NTM: variants seen among roughly 807,000 people sequenced by gnomAD.
NTM encodes IgLON family member 2.
NTM carries 13 observed loss-of-function variants against 42.1 expected under a neutral mutation model. The observed-to-expected ratio is 0.31, with a 90% CI of 0.20 to 0.49. The LOEUF is 0.49. NTM is among the 20% of genes least tolerant of loss of function. The pLI is 0.99. For synonymous variants in NTM, 187 were observed against 179.2 expected, an observed-to-expected ratio of 1.04 and a Z score of -0.35; for missense variants, 373 against 452.8, an observed-to-expected ratio of 0.82 and a Z score of 1.60.
chr11:131,425,732 A>G (rs1047815031), intron 1 of NTM, among the ~76,000 whole-genome samples: 1 of 152,202 alleles, frequency 6.6e-6, no homozygotes, highest in African/African-American at 2.4e-5. Flanking sequence ...GCTGATCAGT[A>G]TCTATAGGAA....
intron 1 of NTM, among the ~76,000 whole-genome samples, chr11:131,711,874 C>T (rs1239925645): frequency 1.7e-4 from 26 of 149,834 alleles, no homozygotes; most frequent in Admixed American, 3.3e-4. Context: ...AGTAAACTAT[C>T]GCAAGGACAA....
At chr11:132,092,604 C>A (rs148105782) in intron 2 of NTM, among the ~76,000 whole-genome samples, 8 of 152,272 alleles carry the variant, frequency 5.3e-5, no homozygotes, top group African/African-American at 1.9e-4. Flanking sequence ...CCATCATGCT[C>A]CAAGGTTCCA....
intron 2 of NTM, among the ~76,000 whole-genome samples, chr11:131,985,580 A>C (rs1318438329): frequency 6.6e-6 from 1 of 152,156 alleles, no homozygotes; most frequent in Middle Eastern, 3.2e-3. Context: ...GCCTACCCTC[A>C]GTTTGTGACT....
In NTM at chr11:131,510,297, C is replaced by T. The variant is rs140642972; in HGVS notation, c.82+139409C>T. Among the ~76,000 whole-genome samples the T allele has an allele frequency of 2.9e-3, 436 of 152,274 alleles. 1 individual carries two copies. Among genetic ancestry groups the T allele is most frequent in the Middle Eastern group, 6.8e-3 (2 of 294 alleles). ...CTACTCATCACCCTGGCTCCCTGGC[C>T]CTGTACTTCCCACCACTTCAGCCCA... On this transcript the variant is annotated intron_variant, in intron 1 of 8. Transcript: ENST00000683400.
chr11:131,510,750 C>T (rs1275733820), intron 1 of NTM, among the ~76,000 whole-genome samples: 1 of 152,214 alleles, frequency 6.6e-6, no homozygotes, highest in Non-Finnish European at 1.5e-5. Flanking sequence ...TCTGTCTGCT[C>T]ATTTCCCCAG....
intron 1 of NTM, among the ~76,000 whole-genome samples, chr11:131,375,189 C>A (rs763835134): frequency 3.9e-5 from 6 of 152,066 alleles, no homozygotes; most frequent in Non-Finnish European, 7.4e-5. Context: ...TCTCCCTCTG[C>A]GGGCCTATCT....
intron 1 of NTM, among the ~76,000 whole-genome samples, chr11:131,483,531 A>G (rs916312846): frequency 4.6e-5 from 7 of 152,186 alleles, no homozygotes; most frequent in African/African-American, 1.7e-4. Context: ...GAAAGGAGAG[A>G]CACTGAAAGT....
chr11:131,815,904 G>T (rs1182809614), intron 1 of NTM, among the ~76,000 whole-genome samples: 1 of 152,200 alleles, frequency 6.6e-6, no homozygotes, highest in African/African-American at 2.4e-5. Context: ...CTGAGCCCCA[G>T]CTGGTCTCTG....
At chr11:131,469,889 CATGAGGGG>C (rs1269708601) in intron 1 of NTM, among the ~76,000 whole-genome samples, 3 of 152,196 alleles carry the variant, frequency 2.0e-5, no homozygotes, top group Non-Finnish European at 4.4e-5. Context: ...ATCTTTATAG[CATGAGGGG>C]ATTCAATGCA....
chr11:131,423,201 T>C (rs901790503), intron 1 of NTM, among the ~76,000 whole-genome samples: 1 of 152,210 alleles, frequency 6.6e-6, no homozygotes, highest in African/African-American at 2.4e-5. Context: ...CTTTCACTTA[T>C]TACTTAGAGT....
intron 1 of NTM, among the ~76,000 whole-genome samples, chr11:131,787,337 A>G (rs1429477525): frequency 7.0e-6 from 1 of 142,382 alleles, no homozygotes; most frequent in Non-Finnish European, 1.5e-5. Flanking sequence ...TTAGATTTTA[A>G]TATTAACATA....
At chr11:131,990,408 A>G (rs971708630) in intron 2 of NTM, among the ~76,000 whole-genome samples, 4 of 152,150 alleles carry the variant, frequency 2.6e-5, no homozygotes, top group Admixed American at 6.6e-5. Context: ...TTAGGTGACC[A>G]ATATTGAACG....
At chr11:131,699,635 G>T (rs760286502) in intron 1 of NTM, among the ~76,000 whole-genome samples, 1 of 152,116 alleles carries the variant, frequency 6.6e-6, no homozygotes, top group Admixed American at 6.5e-5. Flanking sequence ...CAGCAGGGCT[G>T]GGGAGGCCTC....
At chr11:132,135,802 A>G (rs2067794414) in intron 2 of NTM, among the ~76,000 whole-genome samples, 1 of 152,182 alleles carries the variant, frequency 6.6e-6, no homozygotes, top group Admixed American at 6.5e-5. Context: ...TTTGTCCTGC[A>G]CAGGGAGAGA....
intron 4 of NTM, among the ~76,000 whole-genome samples, chr11:132,271,515 G>C (rs1287331290): frequency 6.6e-6 from 1 of 151,370 alleles, no homozygotes; most frequent in African/African-American, 2.4e-5. Context: ...TCTCACTTTA[G>C]CATATGACTC....
chr11:131,728,214 T>C (rs2079186635), intron 1 of NTM, among the ~76,000 whole-genome samples: 1 of 152,214 alleles, frequency 6.6e-6, no homozygotes, highest in Non-Finnish European at 1.5e-5. Context: ...AGTCAGATCC[T>C]ACCTGTTGAG....
At chr11:132,134,077 C>A (rs945004452) in intron 2 of NTM, among the ~76,000 whole-genome samples, 2 of 152,156 alleles carry the variant, frequency 1.3e-5, no homozygotes, top group African/African-American at 4.8e-5. Flanking sequence ...GCACATGCCA[C>A]CCTGCCCAGC....
intron 1 of NTM, chr11:131,909,763 AGAG>A (rs1374065008): frequency 6.6e-6 from 1 of 152,348 alleles, no homozygotes; most frequent in Non-Finnish European, 1.5e-5. Context: ...CAGCAGCCAG[AGAG>A]GAGAAGTGAC....
At chr11:131,468,240 A>G (rs1178471133) in intron 1 of NTM, among the ~76,000 whole-genome samples, 2 of 152,172 alleles carry the variant, frequency 1.3e-5, no homozygotes, top group Non-Finnish European at 2.9e-5. Flanking sequence ...ATGAGAGGCA[A>G]CACCCCATAT....
Sources: allele counts gnomAD v4.1 joint callset (sites outside exome capture counted in the v4.1 genomes callset), GRCh38; gene constraint gnomAD v4.1.1; transcripts MANE v1.5; gene names NCBI Gene and HGNC (gene_info 2026-07-23, HGNC 2026-07-21).